NCMAP: variants seen among roughly 807,000 people sequenced by gnomAD.
NCMAP encodes non-compact myelin associated protein.
NCMAP carries 8 observed loss-of-function variants against 7.8 expected under a neutral mutation model. That is an observed-to-expected ratio of 1.02 (90% confidence interval 0.60 to 1.84). The LOEUF (loss-of-function observed/expected upper bound fraction) is 1.84, where lower values mean the gene tolerates loss of function less well. NCMAP is among the 40% of genes most tolerant of loss of function. The pLI is 0.00. For synonymous variants in NCMAP, 41 were observed against 52.9 expected (o/e 0.78, Z 0.98); for missense variants, 112 against 131.4 (o/e 0.85, Z 0.72).
intron 1 of NCMAP, among the ~76,000 whole-genome samples, chr1:24,590,617 T>C (rs891839891): frequency 6.6e-6 from 1 of 152,162 alleles, no homozygotes. Context: ...TATTTAGTTT[T>C]AGAGACAAGG....
intron 1 of NCMAP, among the ~76,000 whole-genome samples, chr1:24,580,888 CT>C (rs1651722661): frequency 6.6e-6 from 1 of 152,214 alleles, no homozygotes; most frequent in South Asian, 2.1e-4. Flanking sequence ...AGGTTTAGGC[CT>C]TTGCCTTTTC....
intron 1 of NCMAP, among the ~76,000 whole-genome samples, chr1:24,561,521 C>T (rs1651052661): frequency 1.3e-5 from 2 of 152,248 alleles, no homozygotes; most frequent in Non-Finnish European, 2.9e-5. Context: ...CTAATGGAGA[C>T]GTGGGTCCTC....
chr1:24,559,302 G>T (rs975063074), intron 1 of NCMAP, among the ~76,000 whole-genome samples: 1 of 152,184 alleles, frequency 6.6e-6, no homozygotes, highest in Non-Finnish European at 1.5e-5. Flanking sequence ...CTGGAGTCCC[G>T]CTGTTTGCTT....
chr1:24,575,341 T>C (rs564158572), intron 1 of NCMAP, among the ~76,000 whole-genome samples: 172 of 152,266 alleles, frequency 1.1e-3, no homozygotes, highest in African/African-American at 4.0e-3. Flanking sequence ...CGAAAATGTA[T>C]TACGCTGGGA....
intron 1 of NCMAP, among the ~76,000 whole-genome samples, chr1:24,556,654 C>G (rs1277960730): frequency 6.6e-6 from 1 of 152,122 alleles, no homozygotes; most frequent in African/African-American, 2.4e-5. Flanking sequence ...AGCCCAGGGC[C>G]GTAGTTTCCA....
At chr1:24,581,580 G>A (rs1210917972) in intron 1 of NCMAP, among the ~76,000 whole-genome samples, 5 of 152,202 alleles carry the variant, frequency 3.3e-5, no homozygotes, top group Non-Finnish European at 5.9e-5. Context: ...ACTGAGAGTC[G>A]CTGGGAGAAG....
chr1:24,579,133 G>A (rs12076819), intron 1 of NCMAP, among the ~76,000 whole-genome samples: 7 of 151,532 alleles, frequency 4.6e-5, no homozygotes, highest in East Asian at 3.9e-4. Context: ...TTCACCCCTC[G>A]CTCACTTTAG....
chr1:24,566,093 G>T (rs550601558), intron 1 of NCMAP, among the ~76,000 whole-genome samples: 17 of 152,272 alleles, frequency 1.1e-4, no homozygotes, highest in Admixed American at 2.0e-4. Flanking sequence ...GGCCTCCACA[G>T]CCATGCTGGA....
In NCMAP at chr1:24,576,052, C is replaced by T. The variant is rs992294726; in HGVS notation, c.-7-19372C>T. The stretch of plus-strand genomic sequence containing the variant: ...CTCATCCTGATCCTCTCTGCACAGC[C>T]GCATTGCCCCGTCCAGAGCTTCTCC... On this transcript the variant is annotated intron_variant, in intron 1 of 3. Transcript: ENST00000374392. This position sits in a 1 kb window ranked among gnomAD's most constrained non-coding sequence, Gnocchi z 4.0. 3.9e-5 allele frequency among the ~76,000 whole-genome samples: 6 copies of T among 152,036 alleles called. No individual in the cohort carries two copies. Among genetic ancestry groups the T allele is most frequent in the Non-Finnish European group, 8.8e-5 (6 of 68,008 alleles).
rs557661375 is a variant in NCMAP at position 24,607,978 on chromosome 1, T to G, written c.*2231T>G. 1 of 152,254 alleles carries G rather than the reference T, an allele frequency of 6.6e-6. No homozygotes were observed. The highest frequency in any genetic ancestry group is 1.5e-5 in the Non-Finnish European group (1 of 68,048). The allele number at this position is 152,254 out of a possible 1,614,324, so 9.4% of individuals were successfully genotyped here. Reference sequence around the variant, plus strand: ...GTAAAAATACTCTGTGGAATAGCTCTGGAGAAATACTGGCACATTCTTCCT... The same window carrying G: ...GTAAAAATACTCTGTGGAATAGCTCGGGAGAAATACTGGCACATTCTTCCT... On this transcript the variant is annotated 3_prime_UTR_variant, in exon 4 of 4. Coordinates refer to ENST00000374392, the MANE Select transcript of NCMAP (RefSeq NM_001010980.5).
intron 2 of NCMAP, among the ~76,000 whole-genome samples, chr1:24,599,132 T>C (rs1267553704): frequency 6.6e-6 from 1 of 151,054 alleles, no homozygotes. Context: ...ATGCTAAAAT[T>C]AGCCAGGTGT....
intron 1 of NCMAP, among the ~76,000 whole-genome samples, chr1:24,581,141 G>A (rs1205686764): frequency 1.3e-5 from 2 of 149,356 alleles, no homozygotes; most frequent in South Asian, 2.1e-4. Context: ...TTTTTGAGAC[G>A]AGGTCTCGCT....
At chr1:24,573,054 T>C (rs1186794018) in intron 1 of NCMAP, among the ~76,000 whole-genome samples, 2 of 150,220 alleles carry the variant, frequency 1.3e-5, no homozygotes, top group Non-Finnish European at 2.9e-5. Flanking sequence ...GTGTGGGAAG[T>C]GTCCACCCTC....
intron 1 of NCMAP, among the ~76,000 whole-genome samples, chr1:24,579,335 T>C (rs1398284671): frequency 6.6e-6 from 1 of 152,186 alleles, no homozygotes; most frequent in Non-Finnish European, 1.5e-5. Context: ...CTACTTGCCT[T>C]AAATGCCTCC....
intron 1 of NCMAP, among the ~76,000 whole-genome samples, chr1:24,586,916 A>G (rs770096878): frequency 1.8e-4 from 27 of 152,194 alleles, no homozygotes; most frequent in Non-Finnish European, 3.1e-4. Context: ...CTTTTTATCA[A>G]TCCAGGGTAA....
intron 1 of NCMAP, among the ~76,000 whole-genome samples, chr1:24,561,644 CT>C (rs1651057332): frequency 6.6e-6 from 1 of 152,152 alleles, no homozygotes. Flanking sequence ...GGCGCGGTGG[CT>C]CATGCCTGTA....
chr1:24,583,656 C>T (rs191908708), intron 1 of NCMAP, among the ~76,000 whole-genome samples: 116 of 145,102 alleles, frequency 8.0e-4, no homozygotes, highest in Middle Eastern at 3.8e-3. Flanking sequence ...GTGGAGGTTG[C>T]AGTGAGCTGA....
chr1:24,561,207 C>T (rs1042956653), intron 1 of NCMAP, among the ~76,000 whole-genome samples: 4 of 140,224 alleles, frequency 2.9e-5, no homozygotes, highest in African/African-American at 8.1e-5. Flanking sequence ...AATAGCTGGG[C>T]ACGGTGGCGA....
intron 1 of NCMAP, among the ~76,000 whole-genome samples, chr1:24,582,829 C>T (rs1651781796): frequency 6.6e-6 from 1 of 151,592 alleles, no homozygotes; most frequent in Admixed American, 6.6e-5. Flanking sequence ...CTAGCTTTGC[C>T]ATGTATCAGC....
Sources: allele counts gnomAD v4.1 joint callset (sites outside exome capture counted in the v4.1 genomes callset), GRCh38; gene constraint gnomAD v4.1.1; non-coding constraint Gnocchi (gnomAD v3.1); transcripts MANE v1.5; gene names NCBI Gene and HGNC (gene_info 2026-07-23, HGNC 2026-07-21).